CNTN5: variants seen among roughly 807,000 people sequenced by gnomAD.
The protein encoded by CNTN5 is contactin-5.
A neutral mutation model predicts 129.1 loss-of-function variants in CNTN5; 77 were observed. The observed-to-expected ratio is 0.60, with a 90% CI of 0.50 to 0.72. CNTN5 has a LOEUF of 0.72. Among genes scored for constraint, CNTN5 ranks in the 30% least tolerant of loss-of-function variants. The pLI is 0.00. For missense variants in CNTN5, 1,478 were observed against 1,328.8 expected (o/e 1.11, Z -1.75); for synonymous variants, 509 against 465.6 (o/e 1.09, Z -1.20).
intron 3 of CNTN5, among the ~76,000 whole-genome samples, chr11:99,787,294 G>A (rs945950653): frequency 6.6e-6 from 1 of 151,474 alleles, no homozygotes; most frequent in Non-Finnish European, 1.5e-5. Context: ...ACCAAAAACA[G>A]TATTTTTAAA....
intron 15 of CNTN5, among the ~76,000 whole-genome samples, chr11:100,202,669 T>G (rs1452849709): frequency 6.6e-6 from 1 of 151,974 alleles, no homozygotes; most frequent in Non-Finnish European, 1.5e-5. Flanking sequence ...AACATTTAAA[T>G]AGAATTTTAC....
intron 7 of CNTN5, among the ~76,000 whole-genome samples, chr11:99,919,776 C>T (rs567286366): frequency 6.6e-6 from 1 of 151,046 alleles, no homozygotes; most frequent in South Asian, 2.1e-4. Context: ...TGCTTTCTGT[C>T]TCTATAGTTT....
At chr11:100,280,661 G>A (rs1451803467) in intron 18 of CNTN5, among the ~76,000 whole-genome samples, 1 of 151,934 alleles carries the variant, frequency 6.6e-6, no homozygotes, top group Admixed American at 6.6e-5. Context: ...GATTAGAGAG[G>A]TTAGTCCATT....
At chr11:100,339,648 G>T (rs1952117293) in intron 21 of CNTN5, among the ~76,000 whole-genome samples, 1 of 152,154 alleles carries the variant, frequency 6.6e-6, no homozygotes, top group African/African-American at 2.4e-5. Flanking sequence ...TTTCACTGGG[G>T]ACCCATTTCT....
At chr11:100,260,970 A>G (rs531788300) in intron 17 of CNTN5, among the ~76,000 whole-genome samples, 56 of 152,314 alleles carry the variant, frequency 3.7e-4, no homozygotes, top group African/African-American at 1.3e-3. Flanking sequence ...AGAAAGAAAT[A>G]AATGGTATTC....
intron 6 of CNTN5, among the ~76,000 whole-genome samples, chr11:99,865,700 A>C (rs2135787876): frequency 6.6e-6 from 1 of 152,196 alleles, no homozygotes; most frequent in African/African-American, 2.4e-5. Context: ...TTTCTTCTAA[A>C]GTATAAACTA....
intron 1 of CNTN5, among the ~76,000 whole-genome samples, chr11:99,145,376 A>AC (rs1011387968): frequency 2.2e-5 from 1 of 44,476 alleles, no homozygotes; most frequent in Admixed American, 3.2e-4. Flanking sequence ...AACCAGAAAC[A>AC]CTTTTTTTTT....
chr11:99,418,583 C>T (rs575308592), intron 2 of CNTN5, among the ~76,000 whole-genome samples: 4 of 152,066 alleles, frequency 2.6e-5, no homozygotes, highest in Admixed American at 6.6e-5. Context: ...TGGAAGTTTT[C>T]GGTACAGACA....
chr11:99,653,529 A>G (rs1196708067), intron 3 of CNTN5, among the ~76,000 whole-genome samples: 1 of 152,056 alleles, frequency 6.6e-6, no homozygotes, highest in East Asian at 1.9e-4. Flanking sequence ...CTTGGTGACA[A>G]TAGCTAGGAA....
intron 3 of CNTN5, among the ~76,000 whole-genome samples, chr11:99,638,792 A>G (rs1319789279): frequency 2.0e-5 from 3 of 152,130 alleles, no homozygotes; most frequent in South Asian, 4.1e-4. Context: ...GTGGCTTTCC[A>G]GGGTACAGCC....
At chr11:99,188,051 C>A (rs1858442377) in intron 1 of CNTN5, among the ~76,000 whole-genome samples, 2 of 151,834 alleles carry the variant, frequency 1.3e-5, no homozygotes, top group South Asian at 4.2e-4. Flanking sequence ...CACCATTCTG[C>A]ACTTTTTATT....
Position 99,032,907 on chromosome 11 carries a change from C to T in CNTN5, c.-210+11637C>T, listed in dbSNP as rs993942918. ...AGGGTTTTTATGGTTTTAGGTCTAACGTTTAAGTCTTTAATCCATCTTGAA... is the reference window on the plus strand; with the variant it reads ...AGGGTTTTTATGGTTTTAGGTCTAATGTTTAAGTCTTTAATCCATCTTGAA... On this transcript the variant is annotated intron_variant, in intron 1 of 24. Coordinates refer to ENST00000524871, the MANE Select transcript of CNTN5 (RefSeq NM_014361.4). 4.8e-3 allele frequency among the ~76,000 whole-genome samples: 663 copies of T among 139,396 alleles called. 9 individuals carry two copies. The highest frequency in any genetic ancestry group is 7.3e-3 in the Non-Finnish European group (481 of 66,038). The allele number at this position is 139,396 out of a possible 152,430, so 91.4% of individuals were successfully genotyped here. A position where few individuals can be genotyped will look rare whatever the true frequency, so the allele number is the denominator to read the frequency against.
At chr11:99,703,387 A>T (rs1471713777) in intron 3 of CNTN5, among the ~76,000 whole-genome samples, 1 of 150,654 alleles carries the variant, frequency 6.6e-6, no homozygotes, top group African/African-American at 2.4e-5. Flanking sequence ...CTTCCTGTCA[A>T]ATGATCTTTA....
chr11:99,960,269 A>T (rs1178191817), intron 8 of CNTN5, among the ~76,000 whole-genome samples: 1 of 151,828 alleles, frequency 6.6e-6, no homozygotes, highest in Non-Finnish European at 1.5e-5. Context: ...TGCTCTTTTA[A>T]CTCGAGTCTA....
chr11:99,180,476 C>G (rs993997845), intron 1 of CNTN5, among the ~76,000 whole-genome samples: 1 of 152,056 alleles, frequency 6.6e-6, no homozygotes, highest in Non-Finnish European at 1.5e-5. Flanking sequence ...TGACTGGGCT[C>G]AAGGAACACA....
At chr11:99,388,301 G>A (rs775443470) in intron 2 of CNTN5, among the ~76,000 whole-genome samples, 1 of 151,066 alleles carries the variant, frequency 6.6e-6, no homozygotes, top group Non-Finnish European at 1.5e-5. Flanking sequence ...TGTAATCCCA[G>A]CTACTTGGGA....
chr11:99,812,619 C>CA (rs1304256110), intron 3 of CNTN5, among the ~76,000 whole-genome samples: 1 of 152,124 alleles, frequency 6.6e-6, no homozygotes, highest in Non-Finnish European at 1.5e-5. Context: ...CAGAGCTATT[C>CA]CTCTCTTGCT....
At chr11:100,250,585 TTTATAA>T (rs1278257166) in intron 16 of CNTN5, among the ~76,000 whole-genome samples, 3 of 152,118 alleles carry the variant, frequency 2.0e-5, no homozygotes, top group African/African-American at 7.2e-5. Context: ...TTTACAATGG[TTTATAA>T]TTATAAATAA....
intron 2 of CNTN5, among the ~76,000 whole-genome samples, chr11:99,471,554 G>C (rs981275262): frequency 9.9e-5 from 15 of 151,976 alleles, no homozygotes; most frequent in Admixed American, 9.8e-4. Flanking sequence ...TTTAAAAGCT[G>C]TGCCATCTTG....
Sources: gnomAD v4.1 joint callset for allele counts (sites outside exome capture counted in the v4.1 genomes callset) on GRCh38, gnomAD v4.1.1 for gene constraint, MANE v1.5 for transcripts, NCBI Gene and HGNC (gene_info 2026-07-23, HGNC 2026-07-21) for gene names.